ZNG1A: variants seen among roughly 807,000 people sequenced by gnomAD.
The protein encoded by ZNG1A is Zn regulated GTPase metalloprotein activator 1A.
the ZNG1A span, among the ~76,000 whole-genome samples, chr9:139,312 T>C: frequency 2.2e-4 from 33 of 150,644 alleles, 3 homozygotes; most frequent in African/African-American, 7.7e-4. Flanking sequence ...GTAATTAAAA[T>C]AGTCAACCCC....
At chr9:175,644 G>A in the ZNG1A span, 4 of 1,554,654 alleles carry the variant, frequency 2.6e-6, no homozygotes, top group East Asian at 9.0e-5. Flanking sequence ...TTCACCAGAG[G>A]AATAAACAGT....
At chr9:161,326 G>T in the ZNG1A span, among the ~76,000 whole-genome samples, 55,773 of 146,512 alleles carry the variant, frequency 0.38, 9,332 homozygotes, top group Middle Eastern at 0.5. Flanking sequence ...AAATTAGCTG[G>T]GCATGGTGGT....
chr9:121,409 T>C, the ZNG1A span: 34 of 978,838 alleles, frequency 3.5e-5, no homozygotes, highest in Middle Eastern at 3.3e-4. Flanking sequence ...GCTTGAAATA[T>C]ACCCAGTAGA....
chr9:175,969 G>A, the ZNG1A span, among the ~76,000 whole-genome samples: 1 of 150,270 alleles, frequency 6.7e-6, no homozygotes, highest in East Asian at 1.9e-4. Flanking sequence ...ACTTTATGTA[G>A]ACATAAAATT....
the ZNG1A span, among the ~76,000 whole-genome samples, chr9:173,984 A>G: frequency 6.6e-6 from 1 of 152,042 alleles, no homozygotes; most frequent in Non-Finnish European, 1.5e-5. Context: ...CATCTCTACT[A>G]AAATTACAAA....
At chr9:176,922 A>G in the ZNG1A span, among the ~76,000 whole-genome samples, 1 of 152,132 alleles carries the variant, frequency 6.6e-6, no homozygotes, top group Admixed American at 6.5e-5. Flanking sequence ...GCCTTGGTGA[A>G]AAAGTGAACA....
chr9:149,363 C>T, the ZNG1A span: 1 of 150,874 alleles, frequency 6.6e-6, no homozygotes, highest in Non-Finnish European at 1.5e-5. Context: ...GTTTTCTAGC[C>T]ATTCTAAAAA....
the ZNG1A span, among the ~76,000 whole-genome samples, chr9:139,559 C>T: frequency 6.6e-6 from 1 of 152,060 alleles, no homozygotes; most frequent in African/African-American, 2.4e-5. Flanking sequence ...TACTGATGCA[C>T]AAGAATAACT....
chr9:150,344 T>A, the ZNG1A span: 3 of 785,706 alleles, frequency 3.8e-6, no homozygotes, highest in South Asian at 1.2e-4. Context: ...GCCAGGATGG[T>A]CTCCATCTCC....
chr9:141,146 A>C, the ZNG1A span, among the ~76,000 whole-genome samples: 12,129 of 115,654 alleles, frequency 0.1, 305 homozygotes, highest in East Asian at 0.27. Flanking sequence ...AACTTCCCCA[A>C]TCTAGCAAGG....
chr9:131,657 T>G, the ZNG1A span, among the ~76,000 whole-genome samples: 1 of 146,842 alleles, frequency 6.8e-6, no homozygotes, highest in Non-Finnish European at 1.5e-5. Flanking sequence ...CCATCACCCC[T>G]TCTTTTCTTT....
chr9:140,028 G>C, the ZNG1A span, among the ~76,000 whole-genome samples: 35 of 150,592 alleles, frequency 2.3e-4, 2 homozygotes, highest in South Asian at 7.0e-3. Context: ...ACAGAGTCTC[G>C]CTGATTGCTA....
chr9:138,102 T>C, the ZNG1A span, among the ~76,000 whole-genome samples: 1 of 151,894 alleles, frequency 6.6e-6, no homozygotes, highest in Non-Finnish European at 1.5e-5. Flanking sequence ...CTTTCCTGTC[T>C]TCCTACTAAA....
At chr9:175,908 G>C in the ZNG1A span, 2 of 1,405,408 alleles carry the variant, frequency 1.4e-6, no homozygotes, top group Non-Finnish European at 1.9e-6. Context: ...TTTTAGCATA[G>C]AATATCCTAG....
chr9:126,852 T>G, the ZNG1A span, among the ~76,000 whole-genome samples: 1 of 151,994 alleles, frequency 6.6e-6, no homozygotes, highest in African/African-American at 2.4e-5. Flanking sequence ...TAGCACCGCC[T>G]CTGCTGTGTC....
At chr9:177,695 C>T in the ZNG1A span, 3 of 1,388,636 alleles carry the variant, frequency 2.2e-6, no homozygotes, top group East Asian at 7.5e-5. Flanking sequence ...AGCTTCAGAT[C>T]ATTTTCTCCA....
At chr9:166,058 A>C in the ZNG1A span, 3 of 145,544 alleles carry the variant, frequency 2.1e-5, no homozygotes, top group African/African-American at 8.0e-5. Flanking sequence ...CAACAAAAAA[A>C]TTTCAAGAGT....
At chr9:166,118 C>G in the ZNG1A span, 1 of 128,280 alleles carries the variant, frequency 7.8e-6, no homozygotes, top group Non-Finnish European at 1.6e-5. Context: ...AGGTCACATT[C>G]TAGGGCTCAG....
At chr9:137,859 T>C in the ZNG1A span, among the ~76,000 whole-genome samples, 2 of 116,250 alleles carry the variant, frequency 1.7e-5, no homozygotes, top group East Asian at 4.7e-4. Flanking sequence ...AAAAACATAG[T>C]ATAATTCTGA....
Sources: allele counts gnomAD v4.1 joint callset (sites outside exome capture counted in the v4.1 genomes callset), GRCh38; gene constraint gnomAD v4.1.1; transcripts MANE v1.5; gene names NCBI Gene and HGNC (gene_info 2026-07-23, HGNC 2026-07-21).